Variants in SUGCT observed in about 807,000 individuals in gnomAD.
SUGCT encodes the protein succinyl-CoA:glutarate-CoA transferase, also known as succinyl-CoA:glutarate CoA-transferase.
Under a neutral mutation model 55.0 loss-of-function variants are expected in SUGCT, and 41 were observed. The ratio of observed to expected loss-of-function variants is 0.74; its 90% CI spans 0.58 to 0.97. The LOEUF (loss-of-function observed/expected upper bound fraction) is 0.97. Ranked by LOEUF, SUGCT falls within the 50% of genes least tolerant of loss-of-function variation. The pLI, the probability that SUGCT is intolerant of heterozygous loss-of-function variation, is 0.00. For missense variants in SUGCT, 568 were observed against 547.8 expected (o/e 1.04, Z -0.37); for synonymous variants, 187 against 200.4 (o/e 0.93, Z 0.56).
intron 13 of SUGCT, among the ~76,000 whole-genome samples, chr7:40,838,363 C>T (rs954162001): frequency 6.6e-6 from 1 of 152,122 alleles, no homozygotes; most frequent in African/African-American, 2.4e-5. Context: ...GAATTGACAT[C>T]TTTAATATGT....
the SUGCT span, among the ~76,000 whole-genome samples, chr7:40,887,676 C>T: frequency 2.0e-5 from 3 of 152,068 alleles, no homozygotes. Context: ...TATGTTTATC[C>T]AAGACCTTTC....
At chr7:40,381,158 C>G (rs1784848010) in intron 9 of SUGCT, among the ~76,000 whole-genome samples, 1 of 152,012 alleles carries the variant, frequency 6.6e-6, no homozygotes, top group Admixed American at 6.6e-5. Flanking sequence ...TTCTTTAAGA[C>G]TCAAGTTGAT....
At chr7:40,698,528 A>C (rs2128659154) in intron 12 of SUGCT, among the ~76,000 whole-genome samples, 1 of 152,248 alleles carries the variant, frequency 6.6e-6, no homozygotes, top group African/African-American at 2.4e-5. Flanking sequence ...AAGCGACCAC[A>C]CCCTGTCATT....
the SUGCT span, among the ~76,000 whole-genome samples, chr7:40,992,660 TG>T: frequency 0.1 from 15,685 of 152,106 alleles, 902 homozygotes; most frequent in South Asian, 0.21. Context: ...ATAGGAGGTA[TG>T]TATGAAGTAG....
Position 40,817,352 on chromosome 7 carries a change from C to A in SUGCT, c.1154-42964C>A, listed in dbSNP as rs141273353. 2.4e-3 allele frequency among the ~76,000 whole-genome samples: 370 copies of A among 152,188 alleles called. 1 individual carries two copies. Among genetic ancestry groups the A allele is most frequent in the African/African-American group, 8.5e-3 (354 of 41,516 alleles). On this transcript the variant is annotated intron_variant, in intron 13 of 13. Coordinates refer to ENST00000335693, the MANE Select transcript of SUGCT (RefSeq NM_001193313.2). Reference sequence around the variant, plus strand: ...ACTATGAGAACACAGAGCAGGAACACCCAAGTCACTGGGGAGTCGGGGGAA... The same window carrying A: ...ACTATGAGAACACAGAGCAGGAACAACCAAGTCACTGGGGAGTCGGGGGAA...
At chr7:40,860,196 G>A in intron 13 of SUGCT, 120 bp from the exon 14 acceptor site, 1 of 1,166,764 alleles carries the variant, frequency 8.6e-7, no homozygotes, top group Admixed American at 1.8e-5. Context: ...CATCTGGAAG[G>A]GTGTAACTGG....
At chr7:40,140,601 A>G (rs573882215) in intron 1 of SUGCT, among the ~76,000 whole-genome samples, 7 of 152,020 alleles carry the variant, frequency 4.6e-5, no homozygotes, top group African/African-American at 9.6e-5. Flanking sequence ...GAGTTTCACC[A>G]TGTTGGTAAA....
At chr7:40,519,277 G>A (rs1237781487) in intron 12 of SUGCT, among the ~76,000 whole-genome samples, 4 of 152,082 alleles carry the variant, frequency 2.6e-5, no homozygotes, top group African/African-American at 9.7e-5. Flanking sequence ...CCTGGTACAG[G>A]ATAAGGACAT....
At chr7:40,286,555 A>G (rs1046186244) in intron 8 of SUGCT, among the ~76,000 whole-genome samples, 13 of 152,342 alleles carry the variant, frequency 8.5e-5, no homozygotes, top group Admixed American at 7.2e-4. Flanking sequence ...AGCCTACCAC[A>G]GGTGGTAATA....
the SUGCT span, among the ~76,000 whole-genome samples, chr7:40,873,205 G>A: frequency 1.4e-4 from 22 of 151,928 alleles, no homozygotes; most frequent in Non-Finnish European, 2.6e-4. Flanking sequence ...GTTAAAATGA[G>A]GACCAAAAAA....
intron 6 of SUGCT, among the ~76,000 whole-genome samples, chr7:40,216,227 C>T (rs768866019): frequency 1.5e-4 from 23 of 151,426 alleles, no homozygotes; most frequent in African/African-American, 3.6e-4. Flanking sequence ...TGGGGCTGGG[C>T]GTGGTAGCTC....
At chr7:41,035,658 G>A in the SUGCT span, among the ~76,000 whole-genome samples, 1 of 152,244 alleles carries the variant, frequency 6.6e-6, no homozygotes, top group South Asian at 2.1e-4. Flanking sequence ...GCAATTTTGT[G>A]GATTTTAAAG....
chr7:40,350,560 A>G lies in SUGCT; in HGVS notation c.816+33705A>G, dbSNP rs540861602. ...TGGTCAGGCTGGTCTTGAACTCTTGACTTTAAGTGATCCACCCACCTTGGC... is the reference window on the plus strand; with the variant it reads ...TGGTCAGGCTGGTCTTGAACTCTTGGCTTTAAGTGATCCACCCACCTTGGC... On this transcript the variant is annotated intron_variant, in intron 9 of 13. Coordinates refer to ENST00000335693, the MANE Select transcript of SUGCT (RefSeq NM_001193313.2). Among the ~76,000 whole-genome samples, 5 of 150,410 alleles carry G rather than the reference A, an allele frequency of 3.3e-5. No individual in the cohort carries two copies. In the East Asian group the frequency reaches 9.8e-4, roughly 29 times the overall value.
At chr7:40,439,040 A>ATATATATGG (rs1430518864) in intron 9 of SUGCT, among the ~76,000 whole-genome samples, 6 of 136,160 alleles carry the variant, frequency 4.4e-5, no homozygotes, top group African/African-American at 1.6e-4. Context: ...AATATGGTAT[A>ATATATATGG]TATATATATG....
intron 13 of SUGCT, among the ~76,000 whole-genome samples, chr7:40,781,561 T>C (rs1048018055): frequency 2.0e-5 from 3 of 152,166 alleles, no homozygotes; most frequent in Admixed American, 1.3e-4. Context: ...AGTTACAGCA[T>C]GTGTTGAGAT....
At chr7:40,453,323 T>G (rs1789294808) in intron 10 of SUGCT, among the ~76,000 whole-genome samples, 1 of 152,184 alleles carries the variant, frequency 6.6e-6, no homozygotes, top group African/African-American at 2.4e-5. Context: ...GCCTCTGCCC[T>G]GGAACCATGC....
chr7:40,419,299 T>A (rs955035205), intron 9 of SUGCT, among the ~76,000 whole-genome samples: 1 of 152,166 alleles, frequency 6.6e-6, no homozygotes, highest in African/African-American at 2.4e-5. Context: ...AGGAATTCAA[T>A]TTTTTTCTTG....
chr7:40,562,076 G>T (rs1388638602), intron 12 of SUGCT, among the ~76,000 whole-genome samples: 2 of 149,478 alleles, frequency 1.3e-5, no homozygotes, highest in Non-Finnish European at 3.0e-5. Flanking sequence ...GAAGCCGCTG[G>T]ATCACAAGGT....
chr7:40,499,525 A>G (rs540969773), intron 12 of SUGCT: 1 of 181,630 alleles, frequency 5.5e-6, no homozygotes, highest in East Asian at 1.6e-4. Flanking sequence ...CTCTGATTAT[A>G]TGTGACAGAC....
Sources: gnomAD v4.1 joint callset for allele counts (sites outside exome capture counted in the v4.1 genomes callset) on GRCh38, gnomAD v4.1.1 for gene constraint, MANE v1.5 for transcripts, NCBI Gene and HGNC (gene_info 2026-07-23, HGNC 2026-07-21) for gene names.